The following SH3RF3 variants were observed in gnomAD, a reference collection of about 807,000 sequenced individuals.
SH3RF3 encodes E3 ubiquitin-protein ligase SH3RF3.
SH3RF3 carries 29 observed loss-of-function variants against 66.3 expected under a neutral mutation model. The observed-to-expected ratio is 0.44, with a 90% CI of 0.33 to 0.60. The LOEUF (loss-of-function observed/expected upper bound fraction) is 0.60, where lower values mean the gene tolerates loss of function less well. SH3RF3 is among the 20% of genes least tolerant of loss of function. The pLI, the probability that SH3RF3 is intolerant of heterozygous loss-of-function variation, is 0.04. For synonymous variants in SH3RF3, 583 were observed against 532.0 expected (o/e 1.10, Z -1.32); for missense variants, 1,194 against 1,190.9 (o/e 1.00, Z -0.04).
intron 1 of SH3RF3, among the ~76,000 whole-genome samples, chr2:109,341,988 G>A (rs966051519): frequency 1.2e-4 from 19 of 152,172 alleles, no homozygotes; most frequent in Admixed American, 1.3e-4. Flanking sequence ...CTCAGACCCC[G>A]CAGTGCTTGG....
chr2:109,325,331 CTTTTTTTTTTTTTTTT>C (rs11298946), intron 1 of SH3RF3, among the ~76,000 whole-genome samples: 8 of 66,274 alleles, frequency 1.2e-4, no homozygotes, highest in African/African-American at 4.7e-4. Context: ...TTCTTTCTTT[CTTTTTTTTTTTTTTTT>C]TTTTTTTTTT....
intron 1 of SH3RF3, among the ~76,000 whole-genome samples, chr2:109,133,178 A>C (rs2104802909): frequency 6.6e-6 from 1 of 152,324 alleles, no homozygotes; most frequent in South Asian, 2.1e-4. Flanking sequence ...TGTGAGGGTT[A>C]CAAGGAAGGA....
At chr2:109,315,336 A>G (rs1019637240) in intron 1 of SH3RF3, among the ~76,000 whole-genome samples, 1 of 152,208 alleles carries the variant, frequency 6.6e-6, no homozygotes, top group Non-Finnish European at 1.5e-5. Context: ...AACTAATGCC[A>G]AGCCAGGTAA....
chr2:109,246,846 G>A (rs13392983), intron 1 of SH3RF3, among the ~76,000 whole-genome samples: 6,886 of 152,244 alleles, frequency 0.045, 479 homozygotes, highest in African/African-American at 0.15. Context: ...TTGTGACAGC[G>A]ATGCTGGGGG....
intron 8 of SH3RF3, among the ~76,000 whole-genome samples, chr2:109,470,238 C>T (rs1678467191): frequency 6.6e-6 from 1 of 152,180 alleles, no homozygotes; most frequent in South Asian, 2.1e-4. Flanking sequence ...GACTTATTTC[C>T]TCATCAATAA....
chr2:109,489,096 T>A (rs1372422366), intron 8 of SH3RF3, among the ~76,000 whole-genome samples: 1 of 152,032 alleles, frequency 6.6e-6, no homozygotes, highest in East Asian at 1.9e-4. Flanking sequence ...ACTCAGGCAG[T>A]GGAGTTGGAG....
chr2:109,187,983 G>C (rs1290511059), intron 1 of SH3RF3, among the ~76,000 whole-genome samples: 1 of 152,200 alleles, frequency 6.6e-6, no homozygotes, highest in Non-Finnish European at 1.5e-5. Flanking sequence ...TGTAAGGAAG[G>C]GGGGCACAGC....
At chr2:109,360,826 T>C (rs769506366) in intron 2 of SH3RF3, among the ~76,000 whole-genome samples, 25 of 152,236 alleles carry the variant, frequency 1.6e-4, no homozygotes, top group Non-Finnish European at 1.5e-5. Context: ...TCTTGTCTTA[T>C]TGTATTATCA....
intron 3 of SH3RF3, among the ~76,000 whole-genome samples, chr2:109,377,156 T>C (rs1683407364): frequency 2.0e-5 from 3 of 152,224 alleles, no homozygotes; most frequent in Admixed American, 1.3e-4. Context: ...CCATTGATTG[T>C]CTGTTTCTAA....
chr2:109,139,155 G>T (rs1379524819), intron 1 of SH3RF3, among the ~76,000 whole-genome samples: 1 of 152,170 alleles, frequency 6.6e-6, no homozygotes, highest in African/African-American at 2.4e-5. Flanking sequence ...TCCCAAATCT[G>T]CGTAACTTAA....
chr2:109,303,401 C>A (rs539608469), intron 1 of SH3RF3, among the ~76,000 whole-genome samples: 3 of 152,220 alleles, frequency 2.0e-5, no homozygotes, highest in South Asian at 2.1e-4. Context: ...TTTTCTCCTT[C>A]GCTCACACTA....
intron 6 of SH3RF3, among the ~76,000 whole-genome samples, chr2:109,433,263 A>G (rs6542826): frequency 0.51 from 78,372 of 152,268 alleles, 22,056 homozygotes; most frequent in Non-Finnish European, 0.62. Context: ...CATATATGCA[A>G]AGGAAAAATG....
At chr2:109,328,171 G>A (rs1682198770) in intron 1 of SH3RF3, among the ~76,000 whole-genome samples, 1 of 152,214 alleles carries the variant, frequency 6.6e-6, no homozygotes, top group Admixed American at 6.5e-5. Context: ...ATTAACAGTA[G>A]TTGCCTGATA....
chr2:109,331,274 A>G (rs753199577), intron 1 of SH3RF3, among the ~76,000 whole-genome samples: 1 of 152,114 alleles, frequency 6.6e-6, no homozygotes, highest in Non-Finnish European at 1.5e-5. Flanking sequence ...GCTGGGTGCC[A>G]GAGCAAGATT....
At chr2:109,483,808 T>G (rs1678894920) in intron 8 of SH3RF3, among the ~76,000 whole-genome samples, 1 of 152,128 alleles carries the variant, frequency 6.6e-6, no homozygotes, top group Non-Finnish European at 1.5e-5. Flanking sequence ...TGGGGTTGCC[T>G]TCCCTGTAAA....
intron 2 of SH3RF3, among the ~76,000 whole-genome samples, chr2:109,352,998 A>C (rs1682872640): frequency 1.3e-5 from 2 of 152,338 alleles, no homozygotes; most frequent in African/African-American, 4.8e-5. Context: ...GGCTCCTGGG[A>C]GCAGTCCTGG....
At chr2:109,142,050 G>GC (rs1400999765) in intron 1 of SH3RF3, among the ~76,000 whole-genome samples, 1 of 151,502 alleles carries the variant, frequency 6.6e-6, no homozygotes, top group Non-Finnish European at 1.5e-5. Flanking sequence ...TCCTGGGGGG[G>GC]GGGTCTCAGG....
intron 1 of SH3RF3, among the ~76,000 whole-genome samples, chr2:109,205,353 A>G (rs1467333131): frequency 6.6e-6 from 1 of 151,260 alleles, no homozygotes; most frequent in South Asian, 2.1e-4. Context: ...CTCCTGCCGC[A>G]GCCTTCTGAG....
chr2:109,339,000 A>C (rs1328335817), intron 1 of SH3RF3, among the ~76,000 whole-genome samples: 1 of 152,214 alleles, frequency 6.6e-6, no homozygotes, highest in Non-Finnish European at 1.5e-5. Context: ...AGAGAAAAGA[A>C]ATTGTTATTT....
Sources: gnomAD v4.1 joint callset for allele counts (sites outside exome capture counted in the v4.1 genomes callset) on GRCh38, gnomAD v4.1.1 for gene constraint, MANE v1.5 for transcripts, NCBI Gene and HGNC (gene_info 2026-07-23, HGNC 2026-07-21) for gene names.